Variants in ARHGAP39 observed in about 807,000 individuals in gnomAD.
The protein encoded by ARHGAP39 is rho GTPase-activating protein 39.
A neutral mutation model predicts 106.9 loss-of-function variants in ARHGAP39; 44 were observed. The ratio of observed to expected loss-of-function variants is 0.41; its 90% confidence interval spans 0.32 to 0.53. ARHGAP39 has a LOEUF of 0.53. ARHGAP39 is among the 20% of genes least tolerant of loss of function. The pLI is 0.21. For synonymous variants in ARHGAP39, 768 were observed against 693.2 expected (o/e 1.11, Z -1.69); for missense variants, 1,496 against 1,577.3 (o/e 0.95, Z 0.87).
intron 1 of ARHGAP39, among the ~76,000 whole-genome samples, chr8:144,674,126 G>A (rs2129736449): frequency 6.6e-6 from 1 of 151,638 alleles, no homozygotes; most frequent in Non-Finnish European, 1.5e-5. Context: ...GTGGTGAGTG[G>A]TGGGGGGCGG....
intron 3 of ARHGAP39, among the ~76,000 whole-genome samples, chr8:144,573,565 C>T (rs980522270): frequency 6.6e-6 from 1 of 152,098 alleles, no homozygotes; most frequent in Admixed American, 6.5e-5. Flanking sequence ...TGTAACAAAC[C>T]TGCACGTTGT....
At chr8:144,539,347 G>A (rs1312294949) in intron 6 of ARHGAP39, among the ~76,000 whole-genome samples, 3 of 152,276 alleles carry the variant, frequency 2.0e-5, no homozygotes, top group African/African-American at 2.4e-5. Context: ...CTCCCTTTGC[G>A]TGTCTGTGAC....
In ARHGAP39 at chr8:144,644,529, T is replaced by TA. The variant is rs1821395570; in HGVS notation, c.-81-38835_-81-38834insT. ...TATATACTTGAAATGAGTGAATTTT[T>TA]TATATATAAATTATACCTCCATAAT... On this transcript the variant is annotated intron_variant, in intron 1 of 11. Transcript: ENST00000377307. The surrounding 1 kb of genome is among the most constrained non-coding windows in gnomAD (Gnocchi z 4.8). 6.6e-6 allele frequency among the ~76,000 whole-genome samples: 1 copy of TA among 152,200 alleles called. No individual in the cohort carries two copies. Among genetic ancestry groups the TA allele is most frequent in the South Asian group, 2.1e-4 (1 of 4,836 alleles).
intron 2 of ARHGAP39, among the ~76,000 whole-genome samples, chr8:144,593,052 T>G (rs768015828): frequency 6.6e-6 from 1 of 152,076 alleles, no homozygotes; most frequent in Non-Finnish European, 1.5e-5. Context: ...GTGACAAAGG[T>G]GGAAGGATGC....
At chr8:144,611,326 A>C (rs1820482566) in intron 1 of ARHGAP39, among the ~76,000 whole-genome samples, 1 of 152,184 alleles carries the variant, frequency 6.6e-6, no homozygotes, top group South Asian at 2.1e-4. Context: ...TCCCGTGTGC[A>C]CTGGAAAAGA....
In ARHGAP39 at chr8:144,671,865, C is replaced by A. The variant is rs914231049; in HGVS notation, c.-82+13821G>T. ...CTGGCAAGTGGCTGGCACATACAGG[C>A]AACAGTAAAGACAGGGGCGAGATGA... On this transcript the variant is annotated intron_variant, in intron 1 of 11. Coordinates refer to ENST00000377307, the MANE Select transcript of ARHGAP39 (RefSeq NM_025251.3). The surrounding 1 kb of genome is among the most constrained non-coding windows in gnomAD (Gnocchi z 4.5). Among the ~76,000 whole-genome samples, 1 of 152,212 alleles carries A rather than the reference C, an allele frequency of 6.6e-6. No individual in the cohort carries two copies. Among genetic ancestry groups the A allele is most frequent in the Non-Finnish European group, 1.5e-5 (1 of 68,040 alleles).
rs368266134 is a variant in ARHGAP39, at chr8:144,671,788, C to T, written c.-82+13898G>A. 5.3e-5 allele frequency among the ~76,000 whole-genome samples: 8 copies of T among 152,358 alleles called. No homozygotes were observed. In the East Asian group the frequency reaches 9.6e-4, roughly 18 times the overall value. On this transcript the variant is annotated intron_variant, in intron 1 of 11. Coordinates refer to ENST00000377307, the MANE Select transcript of ARHGAP39 (RefSeq NM_025251.3). This position sits in a 1 kb window ranked among gnomAD's most constrained non-coding sequence, Gnocchi z 4.5. ...ACAGGATGTTAGCACAACTCACTCCCGTGTCCCCCACCAGAGGCCTGGTCT... is the reference window on the plus strand; with the variant it reads ...ACAGGATGTTAGCACAACTCACTCCTGTGTCCCCCACCAGAGGCCTGGTCT...
At chr8:144,554,425 C>A (rs896213338) in intron 4 of ARHGAP39, among the ~76,000 whole-genome samples, 1 of 152,072 alleles carries the variant, frequency 6.6e-6, no homozygotes, top group African/African-American at 2.4e-5. Flanking sequence ...AGGGATAATG[C>A]CAGTGAGTCG....
At chr8:144,618,533 G>T (rs918153020) in intron 1 of ARHGAP39, among the ~76,000 whole-genome samples, 2 of 152,258 alleles carry the variant, frequency 1.3e-5, no homozygotes, top group Non-Finnish European at 2.9e-5. Flanking sequence ...CTGAGGTGGG[G>T]GTTGCTGCCT....
chr8:144,638,465 T>C (rs1239465246), intron 1 of ARHGAP39, among the ~76,000 whole-genome samples: 1 of 152,238 alleles, frequency 6.6e-6, no homozygotes, highest in Non-Finnish European at 1.5e-5. Context: ...TATTTTCCCC[T>C]TCTGGGGCTG....
intron 6 of ARHGAP39, among the ~76,000 whole-genome samples, chr8:144,541,676 G>A (rs776198419): frequency 6.6e-6 from 1 of 152,164 alleles, no homozygotes; most frequent in East Asian, 1.9e-4. Context: ...TCATCCATGC[G>A]CGTCTATCAA....
rs372762874 is a variant in ARHGAP39 at position 144,571,284 on chromosome 8, C to T, written c.512+9562G>A. Among the ~76,000 whole-genome samples the T allele has an allele frequency of 4.2e-4, 64 of 152,302 alleles. 1 individual carries two copies. The South Asian group carries it at 0.013, about 30-fold the overall frequency. ...CCACCATCAAAAAGCTTATCCACCA[C>T]GATCAAGTCAGCTTCATCCCTGGGA... On this transcript the variant is annotated intron_variant, in intron 3 of 11. Coordinates refer to ENST00000377307, the MANE Select transcript of ARHGAP39 (RefSeq NM_025251.3).
the ARHGAP39 span, chr8:144,698,916 A>G: frequency 2.2e-6 from 1 of 455,518 alleles, no homozygotes; most frequent in African/African-American, 2.0e-5. Flanking sequence ...CAAGATGTGA[A>G]TAAACATGGA....
intron 1 of ARHGAP39, among the ~76,000 whole-genome samples, chr8:144,680,778 T>C (rs915183572): frequency 2.0e-5 from 3 of 152,158 alleles, no homozygotes; most frequent in Non-Finnish European, 2.9e-5. Context: ...ACCCAATGGA[T>C]CATAATAGCG....
At chr8:144,675,028 G>C (rs1420013546) in intron 1 of ARHGAP39, among the ~76,000 whole-genome samples, 1 of 152,028 alleles carries the variant, frequency 6.6e-6, no homozygotes, top group East Asian at 1.9e-4. Flanking sequence ...GCCACAGCTA[G>C]GCAGCTGCAG....
intron 5 of ARHGAP39, among the ~76,000 whole-genome samples, chr8:144,546,114 C>G (rs954750924): frequency 6.6e-6 from 1 of 152,178 alleles, no homozygotes; most frequent in Non-Finnish European, 1.5e-5. Context: ...CCGCTGGCAC[C>G]CCCAGGGGGC....
At chr8:144,667,895 A>G (rs187173012) in intron 1 of ARHGAP39, among the ~76,000 whole-genome samples, 4 of 152,346 alleles carry the variant, frequency 2.6e-5, no homozygotes, top group African/African-American at 7.2e-5. Flanking sequence ...AATGGGCAAC[A>G]TTTATCTTCA....
intron 3 of ARHGAP39, among the ~76,000 whole-genome samples, chr8:144,563,955 T>C (rs1449511307): frequency 1.3e-5 from 2 of 152,238 alleles, no homozygotes; most frequent in African/African-American, 2.4e-5. Flanking sequence ...GTTATTTCGA[T>C]GTCAACTAAT....
chr8:144,598,907 G>A (rs989557738), intron 2 of ARHGAP39, among the ~76,000 whole-genome samples: 1 of 152,182 alleles, frequency 6.6e-6, no homozygotes, highest in Non-Finnish European at 1.5e-5. Context: ...ATAAATTTGA[G>A]CATGAAAAGA....
Sources: allele counts gnomAD v4.1 joint callset (sites outside exome capture counted in the v4.1 genomes callset), GRCh38; gene constraint gnomAD v4.1.1; non-coding constraint Gnocchi (gnomAD v3.1); transcripts MANE v1.5; gene names NCBI Gene and HGNC (gene_info 2026-07-23, HGNC 2026-07-21).